SPATA32: variants seen among roughly 807,000 people sequenced by gnomAD.
The protein encoded by SPATA32 is spermatogenesis-associated protein 32.
SPATA32 carries 28 observed loss-of-function variants against 35.4 expected under a neutral mutation model. The observed-to-expected ratio is 0.79, with a 90% CI of 0.59 to 1.09. The LOEUF is 1.09. SPATA32 is among the 50% of genes least tolerant of loss of function. SPATA32 has a pLI of 0.00. For missense variants in SPATA32, 409 were observed against 475.9 expected, an observed-to-expected ratio of 0.86 and a Z score of 1.31; for synonymous variants, 168 against 196.3, an observed-to-expected ratio of 0.86 and a Z score of 1.20.
chr17:45,255,758 C>T lies in SPATA32; in HGVS notation c.424G>A (p.Val142Met), dbSNP rs11651968. The T allele has an allele frequency of 0.44, 705,060 of 1,613,816 alleles. 158,708 individuals carry two copies. Among genetic ancestry groups the T allele is most frequent in the Non-Finnish European group, 0.46 (548,273 of 1,179,938 alleles). ...NCRSFTEENHVSACHHSISAQ... is the reference protein window; with the variant it reads ...NCRSFTEENHMSACHHSISAQ... ...CTGATGGAGTGATGGCAGGCAGACA[C>T]GTGGTTCTCCTCCGTGAAACTCCGG... The change falls in exon 4 of 5, where the codon GTG becomes ATG. Residue 142 changes from valine to methionine, a missense_variant. Val to Met is a conservative substitution (Grantham distance 21). Coordinates refer to ENST00000331780, the MANE Select transcript of SPATA32 (RefSeq NM_152343.3). This position sits in a 1 kb window ranked among gnomAD's most constrained non-coding sequence, Gnocchi z 5.4.
At chr17:45,259,798 G>A (rs998150292) in intron 1 of SPATA32, 1 of 151,966 alleles carries the variant, frequency 6.6e-6, no homozygotes, top group African/African-American at 2.4e-5. Context: ...GATTATAGGT[G>A]TGAGCTACCA....
At chr17:45,259,630 T>C (rs7210761) in intron 1 of SPATA32, among the ~76,000 whole-genome samples, 111,661 of 151,866 alleles carry the variant, frequency 0.74, 41,606 homozygotes, top group African/African-American at 0.85. Context: ...AAGTGATCCT[T>C]CCACCTCACC....
chr17:45,256,118 C>G lies in SPATA32; in HGVS notation c.109-45G>C, dbSNP rs1053328617. On this transcript the variant is annotated intron_variant, in intron 3 of 4. Transcript: ENST00000331780. This position sits in a 1 kb window ranked among gnomAD's most constrained non-coding sequence, Gnocchi z 4.7. Reference sequence around the variant, plus strand: ...AGCTGAGGAGGCAGGAGCGGGAGGTCCTGCCCCTGAGGCCCTCCCTGGCAC... The same window carrying G: ...AGCTGAGGAGGCAGGAGCGGGAGGTGCTGCCCCTGAGGCCCTCCCTGGCAC... The G allele has an allele frequency of 6.4e-7, 1 of 1,562,052 alleles. No homozygotes were observed. The highest frequency in any genetic ancestry group is 8.7e-7 in the Non-Finnish European group (1 of 1,152,002).
chr17:45,260,251 A>C (rs1333546263), intron 1 of SPATA32, among the ~76,000 whole-genome samples: 1 of 151,966 alleles, frequency 6.6e-6, no homozygotes, highest in Non-Finnish European at 1.5e-5. Context: ...TCTTACCTCA[A>C]ATTCATATCT....
intron 1 of SPATA32, among the ~76,000 whole-genome samples, chr17:45,258,644 A>AT (rs1434741064): frequency 6.6e-6 from 1 of 151,902 alleles, no homozygotes; most frequent in African/African-American, 2.4e-5. Context: ...AATTGAAATA[A>AT]TTTTTTTTGA....
At position 45,257,241 on chromosome 17, in the gene SPATA32, G is replaced by T. The variant is rs138838227; in HGVS notation, c.14-34C>A. ...GGAAAGGAGGTGAGGGCAGGGAGCT[G>T]CAGGGTAGAGGACAGTCCCAGAGGG... On this transcript the variant is annotated intron_variant, in intron 1 of 4. Transcript: ENST00000331780. 2.4e-4 allele frequency: 376 copies of T among 1,589,268 alleles called. 1 individual carries two copies. The African/African-American group carries it at 4.1e-3, about 17-fold the overall frequency.
chr17:45,255,570 C>G lies in SPATA32; in HGVS notation c.612G>C (p.Glu204Asp). Residue 204 changes from glutamate (E) to aspartate (D), a missense_variant, in exon 4 of 5, where the codon GAG (glutamate) becomes GAC (aspartate). Glu to Asp is a conservative substitution (Grantham distance 45). Coordinates refer to ENST00000331780, the MANE Select transcript of SPATA32 (RefSeq NM_152343.3). This position sits in a 1 kb window ranked among gnomAD's most constrained non-coding sequence, Gnocchi z 5.4. ...EAIPTNALCS[E>D]EQLQIPDAHS... ...GGGCATCAGGGATCTGGAGCTGCTCCTCGGAGCACAGGGCGTTGGTGGGGA... is the reference window on the plus strand; with the variant it reads ...GGGCATCAGGGATCTGGAGCTGCTCGTCGGAGCACAGGGCGTTGGTGGGGA... 6.2e-7 allele frequency: 1 copy of G among 1,614,090 alleles called. No individual in the cohort carries two copies. The highest frequency in any genetic ancestry group is 1.7e-5 in the Admixed American group (1 of 60,016).
intron 4 of SPATA32, 183 bp downstream of exon 4, chr17:45,254,932 A>G (rs1205963911): frequency 6.1e-6 from 4 of 654,190 alleles, no homozygotes; most frequent in Non-Finnish European, 1.0e-5. Context: ...TCTGCGCCTC[A>G]GTCCACTGGA....
intron 1 of SPATA32, among the ~76,000 whole-genome samples, chr17:45,257,999 C>G (rs2043973463): frequency 6.6e-6 from 1 of 152,188 alleles, no homozygotes; most frequent in Non-Finnish European, 1.5e-5. Flanking sequence ...TACCCAGGGC[C>G]ATGCATAGGG....
In SPATA32 at chr17:45,254,519, A is replaced by G; in HGVS notation, c.1068-6T>C. On this transcript the variant is annotated splice_region_variant and splice_polypyrimidine_tract_variant and intron_variant, in intron 4 of 4. Transcript: ENST00000331780. ...CTTTTCCTGGCGGCACTGAGCTGCA[A>G]CACAAAAGAGAGAGTGTCACTTGGG... is the stretch of plus-strand genomic sequence containing the variant. 2 of 1,613,974 alleles carry G rather than the reference A, an allele frequency of 1.2e-6. No homozygotes were observed. Among genetic ancestry groups the G allele is most frequent in the Non-Finnish European group, 1.7e-6 (2 of 1,179,874 alleles).
chr17:45,258,788 C>T (rs896756680), intron 1 of SPATA32, among the ~76,000 whole-genome samples: 4 of 152,106 alleles, frequency 2.6e-5, no homozygotes, highest in African/African-American at 9.7e-5. Flanking sequence ...GCATGCGCCA[C>T]GACGCCCAGC....
Position 45,254,410 on chromosome 17 carries a change from T to C in SPATA32, c.*16A>G. 1 of 1,613,244 alleles carries C rather than the reference T, an allele frequency of 6.2e-7. No homozygotes were observed. The highest frequency in any genetic ancestry group is 8.5e-7 in the Non-Finnish European group (1 of 1,179,158). ...AGCCGACGGCCAGCACTGGAGGCTT[T>C]ATTGGTTCTGTCTAGTCATTTCTCT... On this transcript the variant is annotated 3_prime_UTR_variant, in exon 5 of 5. Coordinates refer to ENST00000331780, the MANE Select transcript of SPATA32 (RefSeq NM_152343.3).
intron 1 of SPATA32, 79 bp downstream of exon 1, chr17:45,261,925 C>A (rs1415507116): frequency 1.6e-6 from 2 of 1,268,242 alleles, no homozygotes; most frequent in Non-Finnish European, 2.0e-6. Flanking sequence ...CTGACCGCCC[C>A]CTTCGCGCCC....
At chr17:45,254,968 G>A in intron 4 of SPATA32, 147 bp downstream of exon 4, 1 of 754,652 alleles carries the variant, frequency 1.3e-6, no homozygotes, top group Non-Finnish European at 2.1e-6. Flanking sequence ...CCTTTATGAG[G>A]TCACTGAGGT....
rs1474682646 is a variant in SPATA32 at position 45,258,153 on chromosome 17, C to T, written c.14-946G>A. ...ATATTGGAAGGATGAGAATGTACTG[C>T]GGTCTCTTCCTAGAGATGTAGTGGC... On this transcript the variant is annotated intron_variant, in intron 1 of 4. Transcript: ENST00000331780. Among the ~76,000 whole-genome samples the T allele has an allele frequency of 2.6e-5, 4 of 152,260 alleles. 1 individual carries two copies. Among genetic ancestry groups the T allele is most frequent in the Middle Eastern group, 6.8e-3 (2 of 294 alleles).
At chr17:45,257,353 T>G in intron 1 of SPATA32, 146 bp from the exon 2 acceptor site, 2 of 876,438 alleles carry the variant, frequency 2.3e-6, no homozygotes, top group Non-Finnish European at 3.6e-6. Flanking sequence ...GCTCTCCTTG[T>G]TCCCGAGCCG....
intron 1 of SPATA32, among the ~76,000 whole-genome samples, chr17:45,258,737 C>T (rs1181237386): frequency 6.6e-6 from 1 of 152,080 alleles, no homozygotes; most frequent in Non-Finnish European, 1.5e-5. Context: ...TGAGATCAAG[C>T]GATTCTCCTG....
intron 1 of SPATA32, among the ~76,000 whole-genome samples, chr17:45,258,028 A>C (rs1311997741): frequency 6.6e-6 from 1 of 152,172 alleles, no homozygotes; most frequent in African/African-American, 2.4e-5. Flanking sequence ...TGGGGCCATC[A>C]TGACAACCCT....
At chr17:45,259,183 A>T (rs968609425) in intron 1 of SPATA32, among the ~76,000 whole-genome samples, 2 of 152,118 alleles carry the variant, frequency 1.3e-5, no homozygotes, top group African/African-American at 2.4e-5. Flanking sequence ...TACAATGTTG[A>T]GTAGGAGTGC....
Sources: gnomAD v4.1 joint callset for allele counts (sites outside exome capture counted in the v4.1 genomes callset) on GRCh38, gnomAD v4.1.1 for gene constraint, Gnocchi (gnomAD v3.1) non-coding constraint, MANE v1.5 for transcripts, NCBI Gene and HGNC (gene_info 2026-07-23, HGNC 2026-07-21) for gene names.